The following COL19A1 variants were observed in gnomAD, a reference collection of about 807,000 sequenced individuals.
COL19A1 encodes collagen type XIX alpha 1 chain.
COL19A1 carries 159 observed loss-of-function variants against 190.2 expected under a neutral mutation model. The observed-to-expected ratio is 0.84, with a 90% CI of 0.73 to 0.95. The LOEUF (loss-of-function observed/expected upper bound fraction) is 0.95, where lower values mean the gene tolerates loss of function less well. Ranked by LOEUF, COL19A1 falls within the 40% of genes least tolerant of loss-of-function variation. The pLI is 0.00. For missense variants in COL19A1, 1,418 were observed against 1,431.9 expected, an observed-to-expected ratio of 0.99 and a Z score of 0.16; for synonymous variants, 509 against 458.9, an observed-to-expected ratio of 1.11 and a Z score of -1.39.
chr6:70,067,253 T>C (rs986297296), intron 14 of COL19A1, among the ~76,000 whole-genome samples: 1 of 152,136 alleles, frequency 6.6e-6, no homozygotes, highest in African/African-American at 2.4e-5. Context: ...AGGAAGCTCT[T>C]ACAGATGAGC....
intron 25 of COL19A1, among the ~76,000 whole-genome samples, chr6:70,145,627 C>A (rs1479061334): frequency 6.6e-6 from 1 of 151,710 alleles, no homozygotes; most frequent in Admixed American, 6.6e-5. Flanking sequence ...GAGCAACATG[C>A]AATTTACTCA....
intron 17 of COL19A1, among the ~76,000 whole-genome samples, chr6:70,127,206 T>C (rs1051707403): frequency 6.6e-6 from 1 of 152,172 alleles, no homozygotes; most frequent in Non-Finnish European, 1.5e-5. Flanking sequence ...CTGAAACTTC[T>C]GAGGAAGAAG....
chr6:69,910,354 T>C (rs1479595724), intron 4 of COL19A1, among the ~76,000 whole-genome samples: 1 of 152,204 alleles, frequency 6.6e-6, no homozygotes, highest in Admixed American at 6.5e-5. Context: ...CACCATTTTA[T>C]AGATGAAAAA....
chr6:70,060,460 T>C (rs58317608), intron 14 of COL19A1, among the ~76,000 whole-genome samples: 6,611 of 151,878 alleles, frequency 0.044, 473 homozygotes, highest in African/African-American at 0.15. Context: ...AGGTGAGTGG[T>C]GGGCAAGTGA....
At chr6:70,066,683 GAT>G (rs1248768689) in intron 14 of COL19A1, among the ~76,000 whole-genome samples, 1 of 151,866 alleles carries the variant, frequency 6.6e-6, no homozygotes, top group Non-Finnish European at 1.5e-5. Flanking sequence ...TATGGATCAT[GAT>G]AAGTACATCT....
At chr6:70,166,506 G>A (rs1030873141) in intron 37 of COL19A1, among the ~76,000 whole-genome samples, 1 of 152,244 alleles carries the variant, frequency 6.6e-6, no homozygotes, top group Non-Finnish European at 1.5e-5. Flanking sequence ...CGCTCCGTCA[G>A]GGAAACGGTG....
At chr6:69,889,250 C>T (rs975434763) in intron 2 of COL19A1, among the ~76,000 whole-genome samples, 30 of 152,102 alleles carry the variant, frequency 2.0e-4, no homozygotes, top group Admixed American at 8.5e-4. Context: ...AGATTTTAAT[C>T]GTGACTTTAC....
chr6:70,070,997 T>A (rs557049575), intron 15 of COL19A1, among the ~76,000 whole-genome samples: 11 of 152,124 alleles, frequency 7.2e-5, no homozygotes, highest in Non-Finnish European at 1.6e-4. Context: ...ACATAAAATA[T>A]GTGAAGTTTT....
chr6:69,944,907 A>G (rs1251375368), intron 9 of COL19A1, among the ~76,000 whole-genome samples: 1 of 152,012 alleles, frequency 6.6e-6, no homozygotes, highest in Admixed American at 6.6e-5. Flanking sequence ...AGTAATAATT[A>G]ATACTTTTCT....
chr6:69,970,139 G>C (rs1775338831), intron 11 of COL19A1, among the ~76,000 whole-genome samples: 1 of 152,024 alleles, frequency 6.6e-6, no homozygotes. Context: ...GTGAAAAAAG[G>C]GGCCATTTTA....
At chr6:70,203,916 A>G (rs1351615400) in intron 49 of COL19A1, among the ~76,000 whole-genome samples, 1 of 151,848 alleles carries the variant, frequency 6.6e-6, no homozygotes, top group African/African-American at 2.4e-5. Context: ...CTGGAGTGCA[A>G]TGGCCATAAT....
chr6:69,913,181 T>C (rs1022902304), intron 4 of COL19A1, among the ~76,000 whole-genome samples: 2 of 152,306 alleles, frequency 1.3e-5, no homozygotes, highest in South Asian at 4.2e-4. Flanking sequence ...ACAATAAGAA[T>C]GTAAAGTTTC....
At chr6:69,905,416 G>A (rs1036720250) in intron 4 of COL19A1, among the ~76,000 whole-genome samples, 1 of 152,146 alleles carries the variant, frequency 6.6e-6, no homozygotes, top group Non-Finnish European at 1.5e-5. Context: ...CTCCCTTCAG[G>A]GTCAGCAGCT....
At chr6:70,055,812 T>C (rs951897347) in intron 14 of COL19A1, among the ~76,000 whole-genome samples, 1 of 146,482 alleles carries the variant, frequency 6.8e-6, no homozygotes, top group African/African-American at 2.7e-5. Context: ...AAAATTCACA[T>C]TTTAATGACT....
At chr6:69,980,248 G>A (rs529260773) in intron 11 of COL19A1, among the ~76,000 whole-genome samples, 3 of 152,098 alleles carry the variant, frequency 2.0e-5, no homozygotes, top group African/African-American at 4.8e-5. Flanking sequence ...CTAAACCTGA[G>A]AATCTAGAAA....
At chr6:70,076,891 C>T (rs1490298033) in intron 15 of COL19A1, among the ~76,000 whole-genome samples, 1 of 152,160 alleles carries the variant, frequency 6.6e-6, no homozygotes, top group Non-Finnish European at 1.5e-5. Context: ...ACACTGAACA[C>T]GTTAGTAACT....
intron 2 of COL19A1, among the ~76,000 whole-genome samples, chr6:69,894,266 T>G (rs1406419756): frequency 1.3e-5 from 2 of 152,242 alleles, no homozygotes; most frequent in Admixed American, 6.5e-5. Flanking sequence ...CTTGGTAAGT[T>G]GCTTTGTGTG....
intron 47 of COL19A1, among the ~76,000 whole-genome samples, chr6:70,190,008 T>A (rs1766756158): frequency 6.6e-6 from 1 of 152,254 alleles, no homozygotes; most frequent in Admixed American, 6.5e-5. Flanking sequence ...CCTTATAAAA[T>A]GAAGTCATAG....
At chr6:70,138,337 T>A (rs913766580) in intron 19 of COL19A1, among the ~76,000 whole-genome samples, 3 of 152,098 alleles carry the variant, frequency 2.0e-5, no homozygotes, top group Non-Finnish European at 4.4e-5. Context: ...GTTCTTTTTG[T>A]GGGGAAAAAG....
Sources: gnomAD v4.1 joint callset for allele counts (sites outside exome capture counted in the v4.1 genomes callset) on GRCh38, gnomAD v4.1.1 for gene constraint, MANE v1.5 for transcripts, NCBI Gene and HGNC (gene_info 2026-07-23, HGNC 2026-07-21) for gene names.